The following MKLN1 variants were observed in gnomAD, a reference collection of about 807,000 sequenced individuals.
MKLN1 encodes the protein muskelin.
MKLN1 carries 18 observed loss-of-function variants against 99.0 expected under a neutral mutation model. The observed-to-expected ratio is 0.18, with a 90% CI of 0.13 to 0.27. MKLN1 has a LOEUF of 0.27. Ranked by LOEUF, MKLN1 falls within the 10% of genes least tolerant of loss-of-function variation. The pLI, the probability that MKLN1 is intolerant of heterozygous loss-of-function variation, is 1.00. For synonymous variants in MKLN1, 288 were observed against 293.2 expected (o/e 0.98, Z 0.18); for missense variants, 621 against 875.9 (o/e 0.71, Z 3.67).
intron 3 of MKLN1, among the ~76,000 whole-genome samples, chr7:131,291,767 T>TA (rs36040156): frequency 0.88 from 115,332 of 130,738 alleles, 50,809 homozygotes; most frequent in East Asian, 0.96. Context: ...GTAGTCACAT[T>TA]AAAAAAAAAA....
intron 2 of MKLN1, among the ~76,000 whole-genome samples, chr7:131,379,215 C>G (rs1419621709): frequency 6.6e-6 from 1 of 152,128 alleles, no homozygotes; most frequent in Non-Finnish European, 1.5e-5. Flanking sequence ...TACCTTTATT[C>G]TAGGCCTCAG....
chr7:131,318,798 C>G (rs1029676758), intron 3 of MKLN1, among the ~76,000 whole-genome samples: 1 of 152,166 alleles, frequency 6.6e-6, no homozygotes, highest in Non-Finnish European at 1.5e-5. Context: ...AAACTACCAT[C>G]AGAGAATACT....
intron 3 of MKLN1, among the ~76,000 whole-genome samples, chr7:131,255,866 C>T (rs1303789749): frequency 1.3e-5 from 2 of 150,482 alleles, no homozygotes; most frequent in African/African-American, 4.9e-5. Context: ...CAGGTGTGAG[C>T]CACTGTGCCC....
intron 1 of MKLN1, among the ~76,000 whole-genome samples, chr7:131,131,862 T>C (rs953383768): frequency 6.6e-6 from 1 of 152,214 alleles, no homozygotes; most frequent in African/African-American, 2.4e-5. Flanking sequence ...CATCAGGTAT[T>C]ATACTGCCCT....
chr7:131,339,490 A>G (rs1799343382), intron 1 of MKLN1, among the ~76,000 whole-genome samples: 1 of 152,092 alleles, frequency 6.6e-6, no homozygotes, highest in Non-Finnish European at 1.5e-5. Flanking sequence ...GGATCACTTG[A>G]GGTCAGGAAT....
intron 1 of MKLN1, among the ~76,000 whole-genome samples, chr7:131,129,112 G>C (rs1795511037): frequency 6.6e-6 from 1 of 152,122 alleles, no homozygotes; most frequent in South Asian, 2.1e-4. Context: ...CAATGAAAAT[G>C]AAAATGGTCC....
At chr7:131,414,107 A>G (rs1213340650) in intron 7 of MKLN1, among the ~76,000 whole-genome samples, 1 of 152,194 alleles carries the variant, frequency 6.6e-6, no homozygotes, top group Non-Finnish European at 1.5e-5. Flanking sequence ...AGTTATATAA[A>G]ATAATTACAC....
chr7:131,127,412 C>T (rs992241537), intron 1 of MKLN1, among the ~76,000 whole-genome samples: 2 of 152,008 alleles, frequency 1.3e-5, no homozygotes, highest in African/African-American at 4.8e-5. Context: ...AACAGGAGTG[C>T]AGCAAATATT....
chr7:131,434,785 T>G (rs1795630047), intron 9 of MKLN1, among the ~76,000 whole-genome samples: 2 of 152,290 alleles, frequency 1.3e-5, no homozygotes, highest in Middle Eastern at 3.4e-3. Context: ...CTTGAACTCC[T>G]TAACTCAACG....
intron 7 of MKLN1, among the ~76,000 whole-genome samples, chr7:131,413,557 T>C (rs77741487): frequency 1.3e-5 from 2 of 152,080 alleles, no homozygotes; most frequent in African/African-American, 4.8e-5. Context: ...TTTTTTTTTT[T>C]GAGATGGAGT....
intron 1 of MKLN1, among the ~76,000 whole-genome samples, chr7:131,330,389 T>C (rs1209103323): frequency 6.6e-6 from 1 of 152,220 alleles, no homozygotes; most frequent in Non-Finnish European, 1.5e-5. Context: ...ATGGTAAACA[T>C]TTATGATGTG....
At chr7:131,214,821 T>A (rs901188060) in intron 3 of MKLN1, among the ~76,000 whole-genome samples, 1 of 152,244 alleles carries the variant, frequency 6.6e-6, no homozygotes, top group African/African-American at 2.4e-5. Context: ...GACATCTTTA[T>A]GATAATGAAT....
chr7:131,208,226 G>A (rs1402256151), intron 3 of MKLN1, among the ~76,000 whole-genome samples: 1 of 152,222 alleles, frequency 6.6e-6, no homozygotes, highest in African/African-American at 2.4e-5. Flanking sequence ...AGATGTTAAT[G>A]TTGCTTATTC....
At chr7:131,123,399 A>C (rs1439388116) in intron 1 of MKLN1, among the ~76,000 whole-genome samples, 1 of 152,262 alleles carries the variant, frequency 6.6e-6, no homozygotes, top group Non-Finnish European at 1.5e-5. Flanking sequence ...ATATTCCAAT[A>C]AAATGAATTT....
In MKLN1 at chr7:131,388,989, C is replaced by G; in HGVS notation, c.400+17C>G. ...TTAAAATAGGTAAGATTTTAGCATT[C>G]TGAAATAGAAACAAATTCTTGATAT... On this transcript the variant is annotated intron_variant, in intron 4 of 17. Transcript: ENST00000352689. The G allele has an allele frequency of 6.5e-7, 1 of 1,540,234 alleles. No individual in the cohort carries two copies. The highest frequency in any genetic ancestry group is 8.9e-7 in the Non-Finnish European group (1 of 1,122,090).
At chr7:131,393,183 TC>T (rs1794257581) in intron 4 of MKLN1, among the ~76,000 whole-genome samples, 1 of 152,212 alleles carries the variant, frequency 6.6e-6, no homozygotes, top group Admixed American at 6.5e-5. Flanking sequence ...GATGACTGAA[TC>T]CTAGAATACA....
chr7:131,182,484 T>C (rs989231113), intron 2 of MKLN1, among the ~76,000 whole-genome samples: 1 of 152,236 alleles, frequency 6.6e-6, no homozygotes, highest in African/African-American at 2.4e-5. Context: ...TTAGCATCTC[T>C]ATTTTTCCTC....
chr7:131,294,404 C>G (rs148575354), intron 3 of MKLN1, among the ~76,000 whole-genome samples: 168 of 146,440 alleles, frequency 1.1e-3, no homozygotes, highest in African/African-American at 4.0e-3. Context: ...ATTGGTGAAT[C>G]TAGGTGAAGC....
intron 1 of MKLN1, among the ~76,000 whole-genome samples, chr7:131,370,179 C>A (rs1800303933): frequency 1.3e-5 from 2 of 152,130 alleles, no homozygotes; most frequent in African/African-American, 4.8e-5. Flanking sequence ...AGTTAACTTT[C>A]TTCTGATGGA....
Sources: allele counts gnomAD v4.1 joint callset (sites outside exome capture counted in the v4.1 genomes callset), GRCh38; gene constraint gnomAD v4.1.1; transcripts MANE v1.5; gene names NCBI Gene and HGNC (gene_info 2026-07-23, HGNC 2026-07-21).